Variants in DGKB observed in about 807,000 individuals in gnomAD.
The protein encoded by DGKB is diacylglycerol kinase beta.
A neutral mutation model predicts 114.3 loss-of-function variants in DGKB; 67 were observed. The observed-to-expected ratio is 0.59, with a 90% CI of 0.48 to 0.72. DGKB has a LOEUF of 0.72. Among genes scored for constraint, DGKB ranks in the 30% least tolerant of loss-of-function variants. The probability of loss-of-function intolerance (pLI) is 0.00; values close to 1 mark genes in which losing one functional copy is unlikely to be tolerated. For missense variants in DGKB, 907 were observed against 975.2 expected (o/e 0.93, Z 0.93); for synonymous variants, 398 against 323.1 (o/e 1.23, Z -2.49).
intron 3 of DGKB, among the ~76,000 whole-genome samples, chr7:14,754,195 G>T (rs374935275): frequency 6.6e-6 from 1 of 152,022 alleles, no homozygotes; most frequent in Admixed American, 6.6e-5. Flanking sequence ...GTGGGGTCGG[G>T]GGGAGGCAGG....
intron 1 of DGKB, among the ~76,000 whole-genome samples, chr7:14,891,864 T>C (rs1373894635): frequency 6.6e-6 from 1 of 151,258 alleles, no homozygotes; most frequent in Admixed American, 6.6e-5. Flanking sequence ...TTAGAAGAAT[T>C]ACCAGGGTCA....
intron 1 of DGKB, among the ~76,000 whole-genome samples, chr7:14,872,002 C>T (rs1205272961): frequency 5.3e-5 from 8 of 152,098 alleles, no homozygotes; most frequent in African/African-American, 1.4e-4. Context: ...ATCTTCAAGA[C>T]AGAACCGGGA....
chr7:14,158,974 T>C (rs1036267589), intron 25 of DGKB, among the ~76,000 whole-genome samples: 2 of 152,192 alleles, frequency 1.3e-5, no homozygotes, highest in Non-Finnish European at 2.9e-5. Flanking sequence ...TTCTAAGGCC[T>C]GAACAATTAT....
At chr7:14,257,075 A>T (rs1321202042) in intron 23 of DGKB, among the ~76,000 whole-genome samples, 7 of 152,068 alleles carry the variant, frequency 4.6e-5, no homozygotes, top group Admixed American at 6.6e-5. Context: ...AGGTGGGAGG[A>T]TTAATTGAAC....
chr7:14,331,553 A>G (rs2128557859), intron 23 of DGKB, among the ~76,000 whole-genome samples: 1 of 152,248 alleles, frequency 6.6e-6, no homozygotes, highest in African/African-American at 2.4e-5. Flanking sequence ...ATTGCCATCA[A>G]CCTTCAAATA....
intron 21 of DGKB, among the ~76,000 whole-genome samples, chr7:14,439,981 G>T (rs1042382837): frequency 6.6e-6 from 1 of 151,838 alleles, no homozygotes; most frequent in African/African-American, 2.4e-5. Flanking sequence ...TTACAAGACT[G>T]AATGAAGGAG....
intron 2 of DGKB, among the ~76,000 whole-genome samples, chr7:14,828,139 T>C (rs1441744178): frequency 6.6e-6 from 1 of 152,086 alleles, no homozygotes; most frequent in Non-Finnish European, 1.5e-5. Flanking sequence ...AAATGCAATT[T>C]TGTGATATAC....
intron 12 of DGKB, among the ~76,000 whole-genome samples, chr7:14,676,429 T>C (rs1005272149): frequency 2.6e-5 from 4 of 152,074 alleles, no homozygotes; most frequent in African/African-American, 9.7e-5. Context: ...AAGAAGGTAA[T>C]TGGATTGTTT....
At chr7:14,206,240 G>A (rs539103872) in intron 23 of DGKB, among the ~76,000 whole-genome samples, 49 of 152,088 alleles carry the variant, frequency 3.2e-4, no homozygotes, top group African/African-American at 1.1e-3. Context: ...GGTTATGACA[G>A]GGCTAAGTCC....
chr7:14,231,258 A>C (rs940358423), intron 23 of DGKB, among the ~76,000 whole-genome samples: 1 of 151,636 alleles, frequency 6.6e-6, no homozygotes, highest in Admixed American at 6.6e-5. Flanking sequence ...CTGTGCCCCT[A>C]GAGTAGCTGG....
chr7:14,334,016 T>G lies in DGKB; in HGVS notation c.2122+4499A>C, dbSNP rs114941329. On this transcript the variant is annotated intron_variant, in intron 23 of 25. Transcript: ENST00000402815. ...GCTTGATATATAAGCCAGTACAAAA[T>G]TATTATTAATATTTGGGGGAGTTAA... Among the ~76,000 whole-genome samples, 1,151 of 152,284 alleles carry G rather than the reference T, an allele frequency of 7.6e-3. 15 individuals are homozygous for G. The highest frequency in any genetic ancestry group is 0.026 in the African/African-American group (1,100 of 41,564).
intron 1 of DGKB, among the ~76,000 whole-genome samples, chr7:14,921,439 C>A (rs1054661762): frequency 6.6e-6 from 1 of 152,058 alleles, no homozygotes; most frequent in Non-Finnish European, 1.5e-5. Flanking sequence ...GATGTCTATA[C>A]CAAACCGAAC....
At chr7:14,212,662 A>G (rs17167967) in intron 23 of DGKB, among the ~76,000 whole-genome samples, 1 of 152,086 alleles carries the variant, frequency 6.6e-6, no homozygotes, top group South Asian at 2.1e-4. Context: ...AGAGTAAATC[A>G]GTTTCCTAAA....
intron 20 of DGKB, among the ~76,000 whole-genome samples, chr7:14,492,271 C>G (rs1290546231): frequency 1.3e-5 from 2 of 151,790 alleles, no homozygotes; most frequent in East Asian, 3.9e-4. Flanking sequence ...ATAATGTGAA[C>G]AGGTTTTATG....
At chr7:14,757,177 A>G (rs927751381) in intron 3 of DGKB, among the ~76,000 whole-genome samples, 1 of 152,044 alleles carries the variant, frequency 6.6e-6, no homozygotes, top group African/African-American at 2.4e-5. Context: ...TCAAGGAAAT[A>G]ATTGCCTGAA....
chr7:14,342,884 T>C (rs1811840966), intron 22 of DGKB, among the ~76,000 whole-genome samples: 1 of 151,856 alleles, frequency 6.6e-6, no homozygotes, highest in Non-Finnish European at 1.5e-5. Flanking sequence ...AAAAGATAGT[T>C]TGATTTTGAA....
At chr7:14,631,228 C>T (rs1361966204) in intron 13 of DGKB, among the ~76,000 whole-genome samples, 1 of 146,324 alleles carries the variant, frequency 6.8e-6, no homozygotes, top group Admixed American at 6.9e-5. Flanking sequence ...ATTATAGTCC[C>T]TTACCCAGGA....
chr7:14,685,533 T>C (rs768623641), intron 9 of DGKB, among the ~76,000 whole-genome samples, 171 bp from the exon 10 acceptor site: 18 of 152,156 alleles, frequency 1.2e-4, no homozygotes, highest in Admixed American at 7.9e-4. Flanking sequence ...TGTGCTCCAG[T>C]GAAATGAGAT....
At chr7:14,571,633 T>C (rs1475856654) in intron 20 of DGKB, among the ~76,000 whole-genome samples, 1 of 152,238 alleles carries the variant, frequency 6.6e-6, no homozygotes, top group African/African-American at 2.4e-5. Context: ...ATCCTAGTTA[T>C]CTACACATCC....
Sources: allele counts gnomAD v4.1 joint callset (sites outside exome capture counted in the v4.1 genomes callset), GRCh38; gene constraint gnomAD v4.1.1; transcripts MANE v1.5; gene names NCBI Gene and HGNC (gene_info 2026-07-23, HGNC 2026-07-21).